CFI: variants seen among roughly 807,000 people sequenced by gnomAD.
CFI encodes the protein complement factor I, also known as C3B/C4B inactivator.
CFI carries 66 observed loss-of-function variants against 78.8 expected under a neutral mutation model. The ratio of observed to expected loss-of-function variants is 0.84; its 90% confidence interval spans 0.69 to 1.03. The LOEUF (loss-of-function observed/expected upper bound fraction) is 1.03. CFI is among the 50% of genes least tolerant of loss of function. The probability of loss-of-function intolerance (pLI) is 0.00; values close to 1 mark genes in which losing one functional copy is unlikely to be tolerated. For synonymous variants in CFI, 250 were observed against 232.6 expected, an observed-to-expected ratio of 1.07 and a Z score of -0.68; for missense variants, 706 against 704.5, an observed-to-expected ratio of 1.00 and a Z score of -0.02.
chr4:109,740,031 C>T (rs115548756), downstream of CFI, among the ~76,000 whole-genome samples: 1,120 of 152,244 alleles, frequency 7.4e-3, 12 homozygotes, highest in African/African-American at 0.026. Context: ...TGGTGGCTCA[C>T]GCATGTTATC....
intron 2 of CFI, among the ~76,000 whole-genome samples, chr4:109,765,568 A>G (rs1026871186): frequency 6.6e-6 from 1 of 152,160 alleles, no homozygotes; most frequent in Non-Finnish European, 1.5e-5. Flanking sequence ...TGGGGTTTGG[A>G]GGGACTTGAA....
intron 7 of CFI, among the ~76,000 whole-genome samples, chr4:109,756,894 A>AAAGG (rs1477526182): frequency 1.3e-3 from 32 of 23,828 alleles, no homozygotes; most frequent in African/African-American, 5.0e-3. Flanking sequence ...GAAAGGAAAG[A>AAAGG]AAGAAAGAAA....
Position 109,745,499 on chromosome 4 carries a change from G to T in CFI, c.1429+723C>A, listed in dbSNP as rs897547749. On this transcript the variant is annotated intron_variant, in intron 11 of 12. Coordinates refer to ENST00000394634, the MANE Select transcript of CFI (RefSeq NM_000204.5). ...AAATCTTCAAGATGAAGGGAAAGGT[G>T]TTGACTAGTTTAATTCTAATCTAAT... Among the ~76,000 whole-genome samples the T allele has an allele frequency of 3.9e-5, 6 of 152,310 alleles. No homozygotes were observed. The South Asian group carries it at 8.3e-4, about 21-fold the overall frequency.
At chr4:109,736,317 C>A (rs1723368264), downstream of CFI, among the ~76,000 whole-genome samples, 2 of 152,158 alleles carry the variant, frequency 1.3e-5, no homozygotes, top group Non-Finnish European at 2.9e-5. Flanking sequence ...ATGAGTCAGC[C>A]TAATACAGGA....
intron 1 of CFI, among the ~76,000 whole-genome samples, chr4:109,769,480 T>A (rs17040841): frequency 0.12 from 17,956 of 152,010 alleles, 2,308 homozygotes; most frequent in East Asian, 0.31. Flanking sequence ...GCTTTCCACC[T>A]CTCAGGAGAG....
intron 7 of CFI, among the ~76,000 whole-genome samples, chr4:109,752,707 T>C (rs940786118): frequency 6.6e-6 from 1 of 150,688 alleles, no homozygotes; most frequent in African/African-American, 2.4e-5. Context: ...ATGCACTGTA[T>C]AGAAATTCTT....
rs5860990 is a variant in CFI, at chr4:109,757,663, CA to C, written c.904+99del. 212,997 of 764,478 alleles carry C rather than the reference CA, an allele frequency of 0.28. 30,980 individuals are homozygous for C. Among genetic ancestry groups the C allele is most frequent in the Admixed American group, 0.4 (15,466 of 38,418 alleles). 47.4% of individuals were successfully genotyped at this position (764,478 alleles called of 1,614,324 possible). A position where few individuals can be genotyped will look rare whatever the true frequency, so the allele number is the denominator to read the frequency against. On this transcript the variant is annotated intron_variant, in intron 7 of 12. Coordinates refer to ENST00000394634, the MANE Select transcript of CFI (RefSeq NM_000204.5). ...GGCTGGGTTATTACTAAAATGTGGT[CA>C]TATCATGCTCCATTAACAGTTACAT...
At chr4:109,777,640 C>T (rs1176764561) in intron 1 of CFI, among the ~76,000 whole-genome samples, 2 of 152,204 alleles carry the variant, frequency 1.3e-5, no homozygotes, top group Non-Finnish European at 2.9e-5. Context: ...ACCTAATAGA[C>T]ATCGACAGAA....
chr4:109,749,657 A>AAC (rs1724910439), intron 8 of CFI, 55 bp from the exon 9 acceptor site: 2 of 1,088,594 alleles, frequency 1.8e-6, no homozygotes, highest in African/African-American at 3.1e-5. Context: ...TAGCGTTTTT[A>AAC]ACACACTTCT....
At position 109,748,692 on chromosome 4, in the gene CFI, G is replaced by A. The variant is rs554305896; in HGVS notation, c.1148+526C>T. 4.6e-5 allele frequency among the ~76,000 whole-genome samples: 7 copies of A among 152,268 alleles called. No homozygotes were observed. In the South Asian group the frequency reaches 1.5e-3, roughly 32 times the overall value. ...ATCCAGAGTAGAGGTGGTGGAACAG[G>A]GAGCAGGAGGTGGCTCTGTGGGGCA... On this transcript the variant is annotated intron_variant, in intron 10 of 12. Coordinates refer to ENST00000394634, the MANE Select transcript of CFI (RefSeq NM_000204.5).
At chr4:109,757,396 CTGAT>C (rs1392352220) in intron 7 of CFI, among the ~76,000 whole-genome samples, 2 of 152,024 alleles carry the variant, frequency 1.3e-5, no homozygotes, top group African/African-American at 4.8e-5. Context: ...GGACATCTGA[CTGAT>C]AGAAGTAAAT....
chr4:109,738,673 A>G (rs1723521369), downstream of CFI, among the ~76,000 whole-genome samples: 1 of 152,152 alleles, frequency 6.6e-6, no homozygotes. Context: ...GCTGCTATGT[A>G]GGAAGTCTGG....
At chr4:109,737,707 T>A (rs1723449397), downstream of CFI, among the ~76,000 whole-genome samples, 1 of 152,238 alleles carries the variant, frequency 6.6e-6, no homozygotes, top group African/African-American at 2.4e-5. Flanking sequence ...AGTCCTGCAG[T>A]GTGGTCTGTG....
intron 8 of CFI, among the ~76,000 whole-genome samples, chr4:109,750,171 T>C (rs767209548): frequency 2.6e-5 from 4 of 151,552 alleles, no homozygotes; most frequent in Admixed American, 2.0e-4. Flanking sequence ...TAATTTTTGT[T>C]TTTTTAGTAG....
chr4:109,757,100 C>T (rs1004702917), intron 7 of CFI, among the ~76,000 whole-genome samples: 2 of 151,930 alleles, frequency 1.3e-5, no homozygotes. Context: ...GCGGTCTCGG[C>T]TCACTGCAAG....
chr4:109,765,088 T>C (rs1448174197), intron 2 of CFI, among the ~76,000 whole-genome samples: 1 of 152,228 alleles, frequency 6.6e-6, no homozygotes. Flanking sequence ...AAAGGGTTTA[T>C]GTATTCTCGT....
rs181378677 is a variant in CFI at position 109,741,064 on chromosome 4, G to A, written c.1581C>T (p.Gly527=). The A allele has an allele frequency of 1.1e-4, 184 of 1,614,138 alleles. 1 individual carries two copies. The East Asian group carries it at 3.5e-3, about 31-fold the overall frequency. Residue 527 remains glycine, a synonymous_variant, in exon 13 of 13, where the codon GGC becomes GGT. Transcript: ENST00000394634. ...TGTTGGCATCCATACAGACTAAGGG[G>A]CCTCCAGAGTCCCCTTTACAGGCAT... The part of the protein sequence containing the change: ...SIDACKGDSG[G]PLVCMDANNV...
rs144048103 is a variant in CFI, at chr4:109,760,569, A to G, written c.726T>C (p.Asp242=). The change falls in exon 5 of 13, where the codon GAT becomes GAC. Residue 242 remains aspartate, a synonymous_variant. Coordinates refer to ENST00000394634, the MANE Select transcript of CFI (RefSeq NM_000204.5). ...TTTGGTCTCCACAATCATTGATACC[A>G]TCACAGGCTTTCATCTGAGAAATGT... ...GKYISQMKAC[D]GINDCGDQSD... 2 of 1,611,558 alleles carry G rather than the reference A, an allele frequency of 1.2e-6. No individual in the cohort carries two copies. Among genetic ancestry groups the G allele is most frequent in the Non-Finnish European group, 1.7e-6 (2 of 1,177,788 alleles).
chr4:109,758,039 CA>C, intron 6 of CFI: 4 of 1,061,284 alleles, frequency 3.8e-6, no homozygotes, highest in Non-Finnish European at 5.2e-6. Context: ...TATTAAATTT[CA>C]GACTAGTACA....
Sources: allele counts gnomAD v4.1 joint callset (sites outside exome capture counted in the v4.1 genomes callset), GRCh38; gene constraint gnomAD v4.1.1; transcripts MANE v1.5; gene names NCBI Gene and HGNC (gene_info 2026-07-23, HGNC 2026-07-21).